SRR: variants seen among roughly 807,000 people sequenced by gnomAD.
The protein encoded by SRR is serine racemase.
A neutral mutation model predicts 32.7 loss-of-function variants in SRR; 19 were observed. That is an observed-to-expected ratio of 0.58 (90% CI 0.40 to 0.85). The LOEUF (loss-of-function observed/expected upper bound fraction) is 0.85, where lower values mean the gene tolerates loss of function less well. Among genes scored for constraint, SRR ranks in the 40% least tolerant of loss-of-function variants. SRR has a pLI of 0.00. For missense variants in SRR, 373 were observed against 404.7 expected, an observed-to-expected ratio of 0.92 and a Z score of 0.67; for synonymous variants, 142 against 140.9, an observed-to-expected ratio of 1.01 and a Z score of -0.06.
chr17:2,321,721 T>A, intron 6 of SRR, 105 bp downstream of exon 6: 1 of 986,782 alleles, frequency 1.0e-6, no homozygotes, highest in Non-Finnish European at 1.6e-6. Flanking sequence ...TACCATTCCT[T>A]CCCCTTATTC....
chr17:2,325,217 T>G lies in SRR; in HGVS notation c.*1344T>G, dbSNP rs2075568854. 1.0e-6 allele frequency: 1 copy of G among 964,364 alleles called. No individual in the cohort carries two copies. Among genetic ancestry groups the G allele is most frequent in the African/African-American group, 1.6e-5 (1 of 61,360 alleles). The allele number at this position is 964,364 out of a possible 1,614,324, so 59.7% of individuals were successfully genotyped here. ...CCATCATTACCTTCTCCATACCATT[T>G]GGCTCCCAAATTTAAATAAACAAGA... On this transcript the variant is annotated 3_prime_UTR_variant, in exon 8 of 8. Transcript: ENST00000344595.
chr17:2,317,570 G>C (rs981955129), intron 2 of SRR, among the ~76,000 whole-genome samples: 1 of 151,754 alleles, frequency 6.6e-6, no homozygotes, highest in African/African-American at 2.4e-5. Context: ...TATAATCCCA[G>C]CTACTTGGGA....
At position 2,318,208 on chromosome 17, in the gene SRR, G is replaced by A. The variant is rs139735889; in HGVS notation, c.295+212G>A. 3.2e-3 allele frequency among the ~76,000 whole-genome samples: 480 copies of A among 152,142 alleles called. 1 individual carries two copies. Among genetic ancestry groups the A allele is most frequent in the Middle Eastern group, 0.017 (5 of 294 alleles). On this transcript the variant is annotated intron_variant, in intron 3 of 7. Coordinates refer to ENST00000344595, the MANE Select transcript of SRR (RefSeq NM_021947.3). ...CACCCAGGCTGGAGAGCGGTGACGCGATCTCGGCTCACTGTAACCTCCACC... is the reference window on the plus strand; with the variant it reads ...CACCCAGGCTGGAGAGCGGTGACGCAATCTCGGCTCACTGTAACCTCCACC...
chr17:2,310,840 G>A (rs949164536), intron 1 of SRR, among the ~76,000 whole-genome samples: 17 of 151,976 alleles, frequency 1.1e-4, no homozygotes, highest in East Asian at 7.8e-4. Flanking sequence ...TCCGCCTCCC[G>A]GGTTCATGCC....
intron 1 of SRR, chr17:2,307,186 G>C (rs1255900636): frequency 8.8e-6 from 12 of 1,360,998 alleles, no homozygotes; most frequent in Non-Finnish European, 1.2e-5. Flanking sequence ...CCAAGGCAGT[G>C]GCAAGAAAAG....
Position 2,316,436 on chromosome 17 carries a change from T to C in SRR, c.168+708T>C, listed in dbSNP as rs2075473221. 2.0e-5 allele frequency among the ~76,000 whole-genome samples: 3 copies of C among 152,234 alleles called. No individual in the cohort carries two copies. In the South Asian group the frequency reaches 6.2e-4, roughly 31 times the overall value. On this transcript the variant is annotated intron_variant, in intron 2 of 7. Coordinates refer to ENST00000344595, the MANE Select transcript of SRR (RefSeq NM_021947.3). The stretch of plus-strand genomic sequence containing the variant: ...AACCTGAAATATCTAAACAGACACC[T>C]GAACTGTTGCAGGCAAATTGGAAAG...
rs913652394 is a variant in SRR, at chr17:2,315,330, G to A, written c.-4-227G>A. The A allele has an allele frequency of 5.2e-5, 19 of 367,778 alleles. No individual in the cohort carries two copies. In the East Asian group the frequency reaches 6.3e-4, roughly 12 times the overall value. The allele number at this position is 367,778 out of a possible 1,614,324, so 22.8% of individuals were successfully genotyped here. ...TGGTGTGGGTGGGGAGTGGGCTTTA[G>A]CCTTCTGTAATCACCATCAGTTACT... On this transcript the variant is annotated intron_variant, in intron 1 of 7. Transcript: ENST00000344595.
intron 1 of SRR, among the ~76,000 whole-genome samples, chr17:2,308,777 C>T (rs1371999117): frequency 1.3e-5 from 2 of 151,898 alleles, no homozygotes; most frequent in East Asian, 1.9e-4. Context: ...GCCAAGATCG[C>T]ACCACTGCAC....
chr17:2,317,582 G>A (rs1393375303), intron 2 of SRR, among the ~76,000 whole-genome samples: 1 of 152,034 alleles, frequency 6.6e-6, no homozygotes, highest in Non-Finnish European at 1.5e-5. Context: ...TACTTGGGAG[G>A]CTGAGGCAGG....
chr17:2,323,546 T>C, intron 7 of SRR, 109 bp from the exon 8 acceptor site: 1 of 1,271,686 alleles, frequency 7.9e-7, no homozygotes, highest in East Asian at 2.3e-5. Flanking sequence ...GAAGCGTGTG[T>C]ACACAGTGAT....
chr17:2,314,863 A>C (rs2075459624), intron 1 of SRR, among the ~76,000 whole-genome samples: 1 of 151,634 alleles, frequency 6.6e-6, no homozygotes, highest in South Asian at 2.1e-4. Context: ...TTAAATTTTT[A>C]TTAAAAATTA....
chr17:2,315,870 C>T lies in SRR; in HGVS notation c.168+142C>T, dbSNP rs2075469036. 7 of 814,692 alleles carry T rather than the reference C, an allele frequency of 8.6e-6. No homozygotes were observed. The Admixed American group carries it at 1.9e-4, about 22-fold the overall frequency. The allele number at this position is 814,692 out of a possible 1,614,324, so 50.5% of individuals were successfully genotyped here. On this transcript the variant is annotated intron_variant, in intron 2 of 7. Transcript: ENST00000344595. Reference sequence around the variant, plus strand: ...TGGAAAAAAGGTTACAGAAATTTTCCTTTCAAGTCCTTGTTTTACCTAGCA... The same window carrying T: ...TGGAAAAAAGGTTACAGAAATTTTCTTTTCAAGTCCTTGTTTTACCTAGCA...
At chr17:2,303,596 G>A, upstream of SRR, 2 of 1,393,584 alleles carry the variant, frequency 1.4e-6, no homozygotes, top group Non-Finnish European at 9.3e-7. Context: ...AGGCGGGGCG[G>A]GCAGGCCCGG....
At position 2,324,647 on chromosome 17, in the gene SRR, C is replaced by A; in HGVS notation, c.*774C>A. On this transcript the variant is annotated 3_prime_UTR_variant, in exon 8 of 8. Coordinates refer to ENST00000344595, the MANE Select transcript of SRR (RefSeq NM_021947.3). ...ACAAAATGTAAACCCAACCTTTATA[C>A]CACAAAGGCAATCAGATCCCATCCT... 6.2e-7 allele frequency: 1 copy of A among 1,613,884 alleles called. No individual in the cohort carries two copies. Among genetic ancestry groups the A allele is most frequent in the Non-Finnish European group, 8.5e-7 (1 of 1,179,912 alleles).
At chr17:2,309,232 G>A (rs1488568700) in intron 1 of SRR, among the ~76,000 whole-genome samples, 3 of 152,036 alleles carry the variant, frequency 2.0e-5, no homozygotes, top group Non-Finnish European at 4.4e-5. Context: ...CAAAGTGTTG[G>A]GATTACAGGT....
chr17:2,304,548 C>G (rs544594358), intron 1 of SRR, among the ~76,000 whole-genome samples: 13 of 151,720 alleles, frequency 8.6e-5, no homozygotes, highest in African/African-American at 2.9e-4. Context: ...CGGCCGCCCC[C>G]TGACTTTTAA....
rs2075568828 is a variant in SRR, at chr17:2,325,214, A to G, written c.*1341A>G. 1 of 943,460 alleles carries G rather than the reference A, an allele frequency of 1.1e-6. No individual in the cohort carries two copies. 58.4% of individuals were successfully genotyped at this position (943,460 alleles called of 1,614,324 possible). ...AAACCATCATTACCTTCTCCATACC[A>G]TTTGGCTCCCAAATTTAAATAAACA... On this transcript the variant is annotated 3_prime_UTR_variant, in exon 8 of 8. Transcript: ENST00000344595.
chr17:2,307,546 G>A (rs958753950), intron 1 of SRR: 7 of 1,178,782 alleles, frequency 5.9e-6, no homozygotes, highest in African/African-American at 3.0e-5. Flanking sequence ...AATGATTTTG[G>A]CAATTACAAC....
Position 2,324,288 on chromosome 17 carries a change from G to C in SRR, c.*415G>C. 6.4e-7 allele frequency: 1 copy of C among 1,556,668 alleles called. No homozygotes were observed. The highest frequency in any genetic ancestry group is 8.6e-7 in the Non-Finnish European group (1 of 1,156,756). On this transcript the variant is annotated 3_prime_UTR_variant, in exon 8 of 8. Transcript: ENST00000344595. ...ACATATGGATCATAAGTCCATTTGGGGAAGACTCGTTTATACAGGTTCATC... is the reference window on the plus strand; with the variant it reads ...ACATATGGATCATAAGTCCATTTGGCGAAGACTCGTTTATACAGGTTCATC...
Sources: gnomAD v4.1 joint callset for allele counts (sites outside exome capture counted in the v4.1 genomes callset) on GRCh38, gnomAD v4.1.1 for gene constraint, MANE v1.5 for transcripts, NCBI Gene and HGNC (gene_info 2026-07-23, HGNC 2026-07-21) for gene names.